RC3H2: variants seen among roughly 807,000 people sequenced by gnomAD.
RC3H2 encodes roquin-2.
RC3H2 carries 31 observed loss-of-function variants against 133.3 expected under a neutral mutation model. That is an observed-to-expected ratio of 0.23 (90% confidence interval 0.17 to 0.31). The LOEUF is 0.31. Ranked by LOEUF, RC3H2 falls within the 10% of genes least tolerant of loss-of-function variation. The probability of loss-of-function intolerance (pLI) is 1.00; values close to 1 mark genes in which losing one functional copy is unlikely to be tolerated. For missense variants in RC3H2, 1,175 were observed against 1,437.2 expected (o/e 0.82, Z 2.95); for synonymous variants, 517 against 502.2 (o/e 1.03, Z -0.40).
chr9:122,855,890 A>T lies in RC3H2; in HGVS notation c.2455-12T>A, dbSNP rs183452944. ...ACACTCTCTGAGAACTGGTTAAAAAAAAATAAATAAAGCCAATTAGTAAGA... is the reference window on the plus strand; with the variant it reads ...ACACTCTCTGAGAACTGGTTAAAAATAAATAAATAAAGCCAATTAGTAAGA... On this transcript the variant is annotated splice_polypyrimidine_tract_variant and intron_variant, in intron 13 of 20. Transcript: ENST00000357244. 2.9e-3 allele frequency: 4,697 copies of T among 1,593,376 alleles called. 8 individuals are homozygous for T. The highest frequency in any genetic ancestry group is 9.7e-3 in the African/African-American group (713 of 73,692).
At position 122,905,295 on chromosome 9, in the gene RC3H2, C is replaced by T. The variant is rs994119514; in HGVS notation, c.-253G>A. The T allele has an allele frequency of 6.1e-6, 6 of 985,640 alleles. No homozygotes were observed. The highest frequency in any genetic ancestry group is 5.1e-4 in the Middle Eastern group (1 of 1,942). 61.1% of individuals were successfully genotyped at this position (985,640 alleles called of 1,614,324 possible). A position where few individuals can be genotyped will look rare whatever the true frequency, so the allele number is the denominator to read the frequency against. ...GCGAAGGCCGCGACGGGGCCTCCTCCTCCTCCCTCCACCTCCGCCTCCTCC... is the reference window on the plus strand; with the variant it reads ...GCGAAGGCCGCGACGGGGCCTCCTCTTCCTCCCTCCACCTCCGCCTCCTCC... On this transcript the variant is annotated 5_prime_UTR_variant, in exon 1 of 21. Coordinates refer to ENST00000357244, the MANE Select transcript of RC3H2 (RefSeq NM_001100588.3).
intron 10 of RC3H2, among the ~76,000 whole-genome samples, chr9:122,861,844 A>T (rs115139512): frequency 6.6e-6 from 1 of 152,232 alleles, no homozygotes; most frequent in African/African-American, 2.4e-5. Flanking sequence ...AAAATAACTA[A>T]GGAACTGTGG....
intron 3 of RC3H2, among the ~76,000 whole-genome samples, chr9:122,890,923 T>C (rs184003964): frequency 1.3e-5 from 2 of 152,180 alleles, no homozygotes; most frequent in Non-Finnish European, 2.9e-5. Context: ...ATTTCCATCA[T>C]TACAGAATAA....
chr9:122,879,351 G>T (rs190471451), intron 8 of RC3H2, among the ~76,000 whole-genome samples: 1 of 151,512 alleles, frequency 6.6e-6, no homozygotes, highest in Non-Finnish European at 1.5e-5. Context: ...CTGAGATAGC[G>T]TCACTGCACT....
intron 1 of RC3H2, among the ~76,000 whole-genome samples, chr9:122,900,375 T>C (rs1832609375): frequency 6.6e-6 from 1 of 152,208 alleles, no homozygotes; most frequent in Admixed American, 6.5e-5. Flanking sequence ...ATTTTCCAAA[T>C]ATGTTTTTCT....
At position 122,849,700 on chromosome 9, in the gene RC3H2, T is replaced by C. The variant is rs764661006; in HGVS notation, c.3503A>G (p.Lys1168Arg). 4.3e-6 allele frequency: 7 copies of C among 1,612,906 alleles called. No individual in the cohort carries two copies. Among genetic ancestry groups the C allele is most frequent in the African/African-American group, 2.7e-5 (2 of 74,816 alleles). The change falls in exon 21 of 21, where the codon AAA becomes AGA. Residue 1168 changes from lysine to arginine, a missense_variant. Around this residue, in one of 8 missense-constraint regions of RC3H2, gnomAD observed 220 missense variants for 201.1 expected, o/e 1.09. Transcript: ENST00000357244. Reference sequence around the variant, plus strand: ...TTTATCTTCAGACATAACATGAGTTTTCAGAATGAGGTTGCCAGCACTGAC... The same window carrying C: ...TTTATCTTCAGACATAACATGAGTTCTCAGAATGAGGTTGCCAGCACTGAC... ...TSVSAGNLIL[K>R]THVMSEDKND...
intron 9 of RC3H2, among the ~76,000 whole-genome samples, chr9:122,871,682 CTCAA>C (rs1016338420): frequency 3.3e-5 from 5 of 152,062 alleles, no homozygotes; most frequent in African/African-American, 1.2e-4. Flanking sequence ...TCTCCCCTTT[CTCAA>C]TCACTCTTTT....
In RC3H2 at chr9:122,859,091, G is replaced by T; in HGVS notation, c.1861C>A (p.Pro621Thr). 1 of 1,566,306 alleles carries T rather than the reference G, an allele frequency of 6.4e-7. No individual in the cohort carries two copies. The change falls in exon 12 of 21, where the codon CCA becomes ACA. Residue 621 changes from proline (P) to threonine (T), a missense_variant. By Grantham distance (38) the Pro-to-Thr change is conservative. Coordinates refer to ENST00000357244, the MANE Select transcript of RC3H2 (RefSeq NM_001100588.3). ...ACACCAGCTGGTACCGTTGGAGGTG[G>T]TGGATAGTATCCTTGAAAATTGGAA... Reference protein sequence around the residue: ...PQYPQTGYYPPPPTVPAGVAP... With the variant: ...PQYPQTGYYPTPPTVPAGVAP...
At chr9:122,901,016 A>G (rs1223533486) in intron 1 of RC3H2, among the ~76,000 whole-genome samples, 10 of 152,308 alleles carry the variant, frequency 6.6e-5, no homozygotes, top group Non-Finnish European at 1.2e-4. Context: ...CAAATTACAA[A>G]CTGCTTTATT....
At chr9:122,893,861 G>A (rs1410841856) in intron 2 of RC3H2, among the ~76,000 whole-genome samples, 5 of 152,094 alleles carry the variant, frequency 3.3e-5, no homozygotes, top group Non-Finnish European at 7.4e-5. Context: ...TTGCAGCTCT[G>A]CTACTTCTAT....
chr9:122,852,256 C>T (rs1370974005), intron 18 of RC3H2, among the ~76,000 whole-genome samples: 2 of 150,770 alleles, frequency 1.3e-5, no homozygotes, highest in Admixed American at 6.6e-5. Flanking sequence ...AGACCCTCCG[C>T]CCGGCAGCCG....
Position 122,892,006 on chromosome 9 carries a change from C to T in RC3H2, c.349+903G>A, listed in dbSNP as rs1201175725. 2.0e-5 allele frequency among the ~76,000 whole-genome samples: 3 copies of T among 152,176 alleles called. No individual in the cohort carries two copies. In the East Asian group the frequency reaches 5.8e-4, roughly 29 times the overall value. ...GAATGACTGAATGAATACATGCATACATGAAGCTGTCTTAATAGGACTTAT... is the reference window on the plus strand; with the variant it reads ...GAATGACTGAATGAATACATGCATATATGAAGCTGTCTTAATAGGACTTAT... On this transcript the variant is annotated intron_variant, in intron 3 of 20. Transcript: ENST00000357244.
chr9:122,874,902 T>C (rs1050146919), intron 9 of RC3H2: 7 of 333,888 alleles, frequency 2.1e-5, no homozygotes, highest in East Asian at 5.1e-5. Context: ...AGATGAAGAA[T>C]GTGAAGTCTG....
chr9:122,896,904 T>C (rs567904672), intron 2 of RC3H2, among the ~76,000 whole-genome samples: 6 of 151,674 alleles, frequency 4.0e-5, no homozygotes, highest in Admixed American at 3.3e-4. Context: ...TGTGGGCCTA[T>C]AGTCCCAGCT....
Position 122,858,883 on chromosome 9 carries a change from A to G in RC3H2, c.2069T>C (p.Met690Thr), listed in dbSNP as rs1484341637. 3.1e-6 allele frequency: 5 copies of G among 1,614,166 alleles called. No homozygotes were observed. The highest frequency in any genetic ancestry group is 1.3e-5 in the African/African-American group (1 of 74,956). The change falls in exon 12 of 21, where the codon ATG becomes ACG. Residue 690 changes from methionine to threonine, a missense_variant. Around this residue, in one of 8 missense-constraint regions of RC3H2, gnomAD observed 490 missense variants for 492.8 expected, o/e 0.99. Coordinates refer to ENST00000357244, the MANE Select transcript of RC3H2 (RefSeq NM_001100588.3). ...YGPVPPVPSG[M>T]YAPVYDSRRI... Reference sequence around the variant, plus strand: ...CCTGCTGTCGTACACAGGAGCATACATTCCAGAAGGTACTGGAGGAACTGG... The same window carrying G: ...CCTGCTGTCGTACACAGGAGCATACGTTCCAGAAGGTACTGGAGGAACTGG...
rs1830614078 is a variant in RC3H2, at chr9:122,865,604, A to G, written c.1379T>C (p.Leu460Pro). 1.2e-6 allele frequency: 2 copies of G among 1,614,036 alleles called. No individual in the cohort carries two copies. Among genetic ancestry groups the G allele is most frequent in the Non-Finnish European group, 1.7e-6 (2 of 1,180,024 alleles). The change falls in exon 10 of 21, where the codon CTA (leucine) becomes CCA (proline). Residue 460 changes from leucine (L) to proline (P), a missense_variant. Leu to Pro is a moderately conservative substitution (Grantham distance 98). Coordinates refer to ENST00000357244, the MANE Select transcript of RC3H2 (RefSeq NM_001100588.3). ...INATVRTFPL[L>P]NKVGVNNTVT... is the part of the protein sequence containing the mutation. ...AGTGTTGTTTACACCAACTTTATTT[A>G]GAAGAGGAAACGTTCTTACAGTGGC...
chr9:122,878,451 T>G (rs986394075), intron 8 of RC3H2, among the ~76,000 whole-genome samples: 1 of 151,994 alleles, frequency 6.6e-6, no homozygotes, highest in Admixed American at 6.6e-5. Context: ...TTTGTATTTT[T>G]AGTAGAGATG....
rs78926480 is a variant in RC3H2, at chr9:122,897,437, C to T, written c.73G>A (p.Val25Met). ...CAACCTAAACTGATGGGTTTGTGCA[C>T]ATTCTCATCAAATTCATTATAGCAG... Reference protein sequence around the residue: ...PICYNEFDENVHKPISLGCSH... With the variant: ...PICYNEFDENMHKPISLGCSH... The change falls in exon 2 of 21, where the codon GTG (valine) becomes ATG (methionine). Residue 25 changes from valine (V) to methionine (M), a missense_variant. By Grantham distance (21) the Val-to-Met change is conservative. Around this residue, in one of 8 missense-constraint regions of RC3H2, gnomAD observed 41 missense variants for 88.0 expected, o/e 0.47. Coordinates refer to ENST00000357244, the MANE Select transcript of RC3H2 (RefSeq NM_001100588.3). 2.7e-3 allele frequency: 4,316 copies of T among 1,614,216 alleles called. 53 individuals carry two copies. In the East Asian group the frequency reaches 0.045, roughly 17 times the overall value.
intron 9 of RC3H2, among the ~76,000 whole-genome samples, chr9:122,871,544 C>T (rs1328086093): frequency 2.0e-5 from 3 of 151,548 alleles, no homozygotes; most frequent in African/African-American, 4.9e-5. Context: ...AGGATAGTCC[C>T]GATCTCCTGA....
Sources: gnomAD v4.1 joint callset for allele counts (sites outside exome capture counted in the v4.1 genomes callset) on GRCh38, gnomAD v4.1.1 for gene constraint, gnomAD v4.1.1 regional missense constraint, MANE v1.5 for transcripts, NCBI Gene and HGNC (gene_info 2026-07-23, HGNC 2026-07-21) for gene names.